Variants in PCDH9 observed in about 807,000 individuals in gnomAD.
PCDH9 encodes protocadherin 9.
In PCDH9, 24 loss-of-function variants were observed where a neutral mutation model predicts 70.6. The observed-to-expected ratio is 0.34, with a 90% confidence interval of 0.25 to 0.48. The LOEUF is 0.48. PCDH9 is among the 20% of genes least tolerant of loss of function. The pLI, the probability that PCDH9 is intolerant of heterozygous loss-of-function variation, is 0.99. For missense variants in PCDH9, 1,281 were observed against 1,503.6 expected, an observed-to-expected ratio of 0.85 and a Z score of 2.45; for synonymous variants, 562 against 558.5, an observed-to-expected ratio of 1.01 and a Z score of -0.09.
At chr13:66,483,490 G>T (rs1370866365) in intron 4 of PCDH9, among the ~76,000 whole-genome samples, 2 of 152,236 alleles carry the variant, frequency 1.3e-5, no homozygotes, top group Non-Finnish European at 2.9e-5. Context: ...CATGAAGTGA[G>T]TGTGAAACAT....
intron 4 of PCDH9, among the ~76,000 whole-genome samples, chr13:66,542,541 C>T (rs1310857858): frequency 6.6e-6 from 1 of 151,840 alleles, no homozygotes; most frequent in Admixed American, 6.6e-5. Context: ...GCATGAGTTT[C>T]CAGCTGCTGG....
At chr13:66,557,692 T>C (rs1961796526) in intron 4 of PCDH9, among the ~76,000 whole-genome samples, 1 of 152,172 alleles carries the variant, frequency 6.6e-6, no homozygotes, top group Non-Finnish European at 1.5e-5. Flanking sequence ...TATAAGTATT[T>C]AGAGTTCTGT....
chr13:66,358,553 T>A (rs2138188187), intron 4 of PCDH9, among the ~76,000 whole-genome samples: 2 of 152,108 alleles, frequency 1.3e-5, no homozygotes, highest in Middle Eastern at 6.8e-3. Flanking sequence ...ACGGAAAACT[T>A]TTTTTTCAAG....
chr13:66,533,896 G>C (rs148873341), intron 4 of PCDH9, among the ~76,000 whole-genome samples: 2,046 of 152,186 alleles, frequency 0.013, 35 homozygotes, highest in East Asian at 0.039. Flanking sequence ...AATTGGATTT[G>C]ATGAAATAAA....
intron 3 of PCDH9, among the ~76,000 whole-genome samples, chr13:66,655,758 C>A (rs905405372): frequency 1.3e-5 from 2 of 152,094 alleles, no homozygotes; most frequent in South Asian, 2.1e-4. Flanking sequence ...AGAATGATAT[C>A]TTTTGCTTAA....
At chr13:66,702,337 A>G (rs1219442199) in intron 3 of PCDH9, among the ~76,000 whole-genome samples, 1 of 152,208 alleles carries the variant, frequency 6.6e-6, no homozygotes, top group East Asian at 1.9e-4. Flanking sequence ...TTTAGAAAAT[A>G]GATCTATGTA....
chr13:66,782,664 T>G (rs2080018783), intron 3 of PCDH9: 1 of 152,190 alleles, frequency 6.6e-6, no homozygotes, highest in African/African-American at 2.4e-5. Context: ...ATTCCTTTTA[T>G]TTTTATGAAT....
intron 4 of PCDH9, among the ~76,000 whole-genome samples, chr13:66,565,753 A>T (rs1469994590): frequency 6.6e-6 from 1 of 152,172 alleles, no homozygotes; most frequent in East Asian, 1.9e-4. Context: ...AGATATTCAG[A>T]CATATTCCTC....
At chr13:66,440,103 T>C (rs551740660) in intron 4 of PCDH9, among the ~76,000 whole-genome samples, 39 of 152,320 alleles carry the variant, frequency 2.6e-4, no homozygotes, top group African/African-American at 9.1e-4. Context: ...TGAGTGGTTT[T>C]TTATAGTAAA....
At chr13:66,568,657 G>A (rs1395121783) in intron 4 of PCDH9, among the ~76,000 whole-genome samples, 1 of 151,370 alleles carries the variant, frequency 6.6e-6, no homozygotes, top group Non-Finnish European at 1.5e-5. Flanking sequence ...GAATGACAGG[G>A]GAAAAACCCT....
Position 67,225,586 on chromosome 13 carries a change from G to A in PCDH9, c.2855C>T (p.Pro952Leu), listed in dbSNP as rs2089837622. 1 of 1,614,014 alleles carries A rather than the reference G, an allele frequency of 6.2e-7. No individual in the cohort carries two copies. Among genetic ancestry groups the A allele is most frequent in the African/African-American group, 1.3e-5 (1 of 74,898 alleles). ...CTTTTTCACGGAAACTGGAGTGTCT[G>A]GTTTGAGATGAAAAGCAGGCTGTGG... ...ASPQPAFHLK[P>L]DTPVSVKKHH... is the part of the protein sequence containing the mutation. Residue 952 changes from proline (P) to leucine (L), a missense_variant, in exon 2 of 5, where the codon CCA becomes CTA. This residue lies in a region of PCDH9 where 207 missense variants were observed against 191.8 expected (regional missense o/e 1.08). Coordinates refer to ENST00000377865, the MANE Select transcript of PCDH9 (RefSeq NM_203487.3).
chr13:66,608,944 A>G (rs1157893714), intron 4 of PCDH9, among the ~76,000 whole-genome samples: 6 of 152,222 alleles, frequency 3.9e-5, no homozygotes, highest in Non-Finnish European at 8.8e-5. Context: ...GACTTTAGCT[A>G]AGGGACCTCA....
intron 3 of PCDH9, among the ~76,000 whole-genome samples, chr13:66,745,133 A>G (rs190130853): frequency 6.6e-6 from 1 of 152,194 alleles, no homozygotes; most frequent in Non-Finnish European, 1.5e-5. Flanking sequence ...TTGAAGACCA[A>G]GTTGATGAAG....
chr13:66,404,875 A>G (rs896602604), intron 4 of PCDH9, among the ~76,000 whole-genome samples: 1 of 152,134 alleles, frequency 6.6e-6, no homozygotes, highest in Non-Finnish European at 1.5e-5. Context: ...TTTAATGGGA[A>G]TTGTAGAAAC....
At chr13:66,957,690 T>C (rs1258230369) in intron 2 of PCDH9, among the ~76,000 whole-genome samples, 1 of 152,104 alleles carries the variant, frequency 6.6e-6, no homozygotes, top group Non-Finnish European at 1.5e-5. Context: ...TCTTTCTCTC[T>C]CTCACTCACT....
chr13:66,922,877 T>G (rs1177059079), intron 2 of PCDH9, among the ~76,000 whole-genome samples: 1 of 151,476 alleles, frequency 6.6e-6, no homozygotes, highest in Non-Finnish European at 1.5e-5. Flanking sequence ...CTCATTCATT[T>G]TTTTCATCTT....
chr13:66,908,541 C>T lies in PCDH9; in HGVS notation c.3037-4936G>A, dbSNP rs59856863. On this transcript the variant is annotated intron_variant, in intron 2 of 4. Coordinates refer to ENST00000377865, the MANE Select transcript of PCDH9 (RefSeq NM_203487.3). Reference sequence around the variant, plus strand: ...TAAGATAAGAAAAGATCTCTTAGAACACCCCCAATCATTATTTCATCAAAG... The same window carrying T: ...TAAGATAAGAAAAGATCTCTTAGAATACCCCCAATCATTATTTCATCAAAG... Among the ~76,000 whole-genome samples, 1,228 of 152,276 alleles carry T rather than the reference C, an allele frequency of 8.1e-3. 20 individuals are homozygous for T. Among genetic ancestry groups the T allele is most frequent in the African/African-American group, 0.028 (1,143 of 41,556 alleles).
At chr13:66,365,655 A>T (rs1160480554) in intron 4 of PCDH9, among the ~76,000 whole-genome samples, 1 of 152,202 alleles carries the variant, frequency 6.6e-6, no homozygotes, top group Non-Finnish European at 1.5e-5. Context: ...GAGAAAAGTT[A>T]TCAAGAGGTA....
chr13:67,142,921 A>C (rs986995036), intron 2 of PCDH9, among the ~76,000 whole-genome samples: 2 of 152,084 alleles, frequency 1.3e-5, no homozygotes, highest in Non-Finnish European at 2.9e-5. Flanking sequence ...AGGCAGGAGA[A>C]TCGCTTGAAC....
Sources: gnomAD v4.1 joint callset for allele counts (sites outside exome capture counted in the v4.1 genomes callset) on GRCh38, gnomAD v4.1.1 for gene constraint, gnomAD v4.1.1 regional missense constraint, MANE v1.5 for transcripts, NCBI Gene and HGNC (gene_info 2026-07-23, HGNC 2026-07-21) for gene names.